Variants in MYT1L observed in about 807,000 individuals in gnomAD.
MYT1L encodes the protein myelin transcription factor 1 like.
In MYT1L, 12 loss-of-function variants were observed where a neutral mutation model predicts 126.7. The ratio of observed to expected loss-of-function variants is 0.09; its 90% CI spans 0.06 to 0.15. The LOEUF is 0.15. Ranked by LOEUF, MYT1L falls within the 10% of genes least tolerant of loss-of-function variation. MYT1L has a pLI of 1.00. For missense variants in MYT1L, 979 were observed against 1,585.2 expected, an observed-to-expected ratio of 0.62 and a Z score of 6.49; for synonymous variants, 541 against 604.2, an observed-to-expected ratio of 0.90 and a Z score of 1.53.
intron 5 of MYT1L, among the ~76,000 whole-genome samples, chr2:1,987,315 TTTTG>T (rs1450306346): frequency 1.3e-5 from 2 of 151,764 alleles, no homozygotes; most frequent in African/African-American, 4.9e-5. Context: ...TTTCTGTTTT[TTTTG>T]TTTTTTTTTT....
At chr2:2,006,335 A>G in intron 4 of MYT1L, among the ~76,000 whole-genome samples, 1 of 151,990 alleles carries the variant, frequency 6.6e-6, no homozygotes, top group East Asian at 1.9e-4. Context: ...TAGTGAAACA[A>G]ATTAACTTGT....
rs778003179 is a variant in MYT1L at position 1,979,558 on chromosome 2, CAG to C, written c.56-6_56-5del. 5.0e-6 allele frequency: 8 copies of C among 1,613,216 alleles called. No homozygotes were observed. The highest frequency in any genetic ancestry group is 6.8e-6 in the Non-Finnish European group (8 of 1,179,412). The stretch of plus-strand genomic sequence containing the variant: ...TGTATGGCTGGTTCCACGGGAACTG[CAG>C]AGAGATGGAAATAGATAAAAATTTA... On this transcript the variant is annotated splice_polypyrimidine_tract_variant and splice_region_variant and intron_variant, in intron 6 of 24. Transcript: ENST00000647738. The surrounding 1 kb of genome is among the most constrained non-coding windows in gnomAD (Gnocchi z 4.0).
At chr2:2,143,942 T>A (rs991540283) in intron 3 of MYT1L, among the ~76,000 whole-genome samples, 1 of 133,836 alleles carries the variant, frequency 7.5e-6, no homozygotes, top group African/African-American at 2.9e-5. Flanking sequence ...ATGGGAGCAA[T>A]AGACGCTGGG....
chr2:2,239,019 CT>C (rs2094385558), intron 2 of MYT1L, among the ~76,000 whole-genome samples: 1 of 152,210 alleles, frequency 6.6e-6, no homozygotes, highest in African/African-American at 2.4e-5. Context: ...CTGACCCAGC[CT>C]ACTGGCCACA....
chr2:2,022,838 G>A (rs993661349), intron 4 of MYT1L, among the ~76,000 whole-genome samples: 3 of 152,204 alleles, frequency 2.0e-5, no homozygotes, highest in Non-Finnish European at 2.9e-5. Context: ...GATGGAAGGC[G>A]GGTCACCTGC....
intron 1 of MYT1L, among the ~76,000 whole-genome samples, chr2:2,297,818 GC>G (rs908956482): frequency 2.0e-5 from 3 of 152,124 alleles, no homozygotes; most frequent in African/African-American, 7.2e-5. Context: ...AGAAACAGGA[GC>G]CCCAAATTTT....
chr2:2,152,743 C>T (rs1051234895), intron 3 of MYT1L, among the ~76,000 whole-genome samples: 15 of 152,070 alleles, frequency 9.9e-5, no homozygotes, highest in African/African-American at 3.6e-4. Context: ...GATGAGAAGG[C>T]AGTGGAAGAG....
intron 23 of MYT1L, among the ~76,000 whole-genome samples, chr2:1,794,207 A>G (rs1017581708): frequency 6.6e-6 from 1 of 152,190 alleles, no homozygotes; most frequent in African/African-American, 2.4e-5. Context: ...TGGCTGCTAC[A>G]GGCCCCTCGG....
At chr2:2,041,217 T>C (rs555840433) in intron 4 of MYT1L, among the ~76,000 whole-genome samples, 5 of 152,342 alleles carry the variant, frequency 3.3e-5, no homozygotes, top group Admixed American at 6.5e-5. Flanking sequence ...TTAAATTATA[T>C]GGCATAATTG....
At chr2:2,192,029 C>A (rs866110990) in intron 2 of MYT1L, among the ~76,000 whole-genome samples, 2 of 152,226 alleles carry the variant, frequency 1.3e-5, no homozygotes, top group African/African-American at 4.8e-5. Flanking sequence ...CCTACTGGAA[C>A]CTGGCAGAAA....
At chr2:2,163,257 G>T (rs1287044476) in intron 3 of MYT1L, among the ~76,000 whole-genome samples, 2 of 152,034 alleles carry the variant, frequency 1.3e-5, no homozygotes, top group Non-Finnish European at 2.9e-5. Flanking sequence ...CGAGGTGGGG[G>T]CCTTCATCAC....
At chr2:2,146,405 C>T (rs576763648) in intron 3 of MYT1L, among the ~76,000 whole-genome samples, 7 of 152,056 alleles carry the variant, frequency 4.6e-5, no homozygotes, top group Non-Finnish European at 7.4e-5. Context: ...GCACCTGGGA[C>T]GATAGAAGTG....
chr2:2,315,010 T>A (rs2096041332), intron 1 of MYT1L, among the ~76,000 whole-genome samples: 1 of 152,186 alleles, frequency 6.6e-6, no homozygotes, highest in African/African-American at 2.4e-5. Flanking sequence ...TCCTTATATC[T>A]TATTCAAAAA....
intron 3 of MYT1L, among the ~76,000 whole-genome samples, chr2:2,079,541 C>T (rs2075589100): frequency 6.6e-6 from 1 of 152,210 alleles, no homozygotes; most frequent in Admixed American, 6.5e-5. Context: ...TGCGGTGGCT[C>T]ACGCCTGTAA....
At chr2:2,250,040 T>C (rs892079694) in intron 2 of MYT1L, among the ~76,000 whole-genome samples, 2 of 152,124 alleles carry the variant, frequency 1.3e-5, no homozygotes, top group Non-Finnish European at 2.9e-5. Flanking sequence ...GGATAGAATG[T>C]TGAGAAAAGG....
At chr2:1,795,915 T>C (rs2033376971) in intron 23 of MYT1L, among the ~76,000 whole-genome samples, 1 of 152,206 alleles carries the variant, frequency 6.6e-6, no homozygotes, top group African/African-American at 2.4e-5. Flanking sequence ...GACCTCAGCG[T>C]TTCTTAGATT....
At chr2:1,828,835 T>TTA (rs2039720843) in intron 21 of MYT1L, among the ~76,000 whole-genome samples, 1 of 152,210 alleles carries the variant, frequency 6.6e-6, no homozygotes, top group Non-Finnish European at 1.5e-5. Flanking sequence ...AGAAAAGGTT[T>TTA]TAAGAGGGCC....
At chr2:2,094,066 T>C (rs747034715) in intron 3 of MYT1L, among the ~76,000 whole-genome samples, 17 of 152,208 alleles carry the variant, frequency 1.1e-4, no homozygotes, top group Non-Finnish European at 2.2e-4. Flanking sequence ...ATTTCAGTAC[T>C]AGTACCATAC....
At chr2:1,923,877 C>T (rs1320477946) in intron 9 of MYT1L, among the ~76,000 whole-genome samples, 1 of 152,174 alleles carries the variant, frequency 6.6e-6, no homozygotes, top group Admixed American at 6.5e-5. Flanking sequence ...ACCTTCAAGA[C>T]AATTTATCAT....
Sources: allele counts gnomAD v4.1 joint callset (sites outside exome capture counted in the v4.1 genomes callset), GRCh38; gene constraint gnomAD v4.1.1; non-coding constraint Gnocchi (gnomAD v3.1); transcripts MANE v1.5; gene names NCBI Gene and HGNC (gene_info 2026-07-23, HGNC 2026-07-21).